Variants in ARIH1 observed in about 807,000 individuals in gnomAD.
ARIH1 encodes ariadne RBR E3 ubiquitin protein ligase 1, also known as E3 ubiquitin-protein ligase ARIH1.
In ARIH1, 8 loss-of-function variants were observed where a neutral mutation model predicts 85.0. The observed-to-expected ratio is 0.09, with a 90% CI of 0.06 to 0.17. The LOEUF (loss-of-function observed/expected upper bound fraction) is 0.17. Ranked by LOEUF, ARIH1 falls within the 10% of genes least tolerant of loss-of-function variation. ARIH1 has a pLI of 1.00. For synonymous variants in ARIH1, 238 were observed against 253.6 expected, an observed-to-expected ratio of 0.94 and a Z score of 0.59; for missense variants, 311 against 718.1, an observed-to-expected ratio of 0.43 and a Z score of 6.48.
At chr15:72,523,436 G>C (rs1234217828) in intron 2 of ARIH1, among the ~76,000 whole-genome samples, 2 of 152,140 alleles carry the variant, frequency 1.3e-5, no homozygotes, top group East Asian at 3.9e-4. Flanking sequence ...CTCTGGAAAA[G>C]GCAAAACTAT....
chr15:72,546,655 CTGTG>C (rs35847751), intron 3 of ARIH1, among the ~76,000 whole-genome samples: 8 of 149,532 alleles, frequency 5.4e-5, no homozygotes, highest in East Asian at 4.0e-4. Flanking sequence ...GCTGATTTTT[CTGTG>C]TGTGTGTGTG....
At chr15:72,576,971 T>C (rs1408085863) in intron 11 of ARIH1, among the ~76,000 whole-genome samples, 1 of 152,006 alleles carries the variant, frequency 6.6e-6, no homozygotes, top group African/African-American at 2.4e-5. Context: ...TGTTTTATTA[T>C]ACTGTGTGCT....
At chr15:72,489,587 T>C (rs1226075065) in intron 1 of ARIH1, among the ~76,000 whole-genome samples, 1 of 152,262 alleles carries the variant, frequency 6.6e-6, no homozygotes, top group African/African-American at 2.4e-5. Flanking sequence ...TCTTAATTGC[T>C]TGTGTGACAA....
rs1203573952 is a variant in ARIH1 at position 72,589,227 on chromosome 15, AC to A, written c.*5936del. 7.2e-5 allele frequency: 11 copies of A among 152,234 alleles called. No homozygotes were observed. Among genetic ancestry groups the A allele is most frequent in the Admixed American group, 7.2e-4 (11 of 15,274 alleles). 9.4% of individuals were successfully genotyped at this position (152,234 alleles called of 1,614,324 possible). A position where few individuals can be genotyped will look rare whatever the true frequency, so the allele number is the denominator to read the frequency against. On this transcript the variant is annotated 3_prime_UTR_variant, in exon 14 of 14. Transcript: ENST00000379887. ...TATACTACTAACTTACTCAAAAGTTACACATTGAGTGTATAACAGGGCCATG... is the reference window on the plus strand; with the variant it reads ...TATACTACTAACTTACTCAAAAGTTAACATTGAGTGTATAACAGGGCCATG...
At chr15:72,542,366 C>G (rs557511740) in intron 2 of ARIH1, among the ~76,000 whole-genome samples, 1 of 152,264 alleles carries the variant, frequency 6.6e-6, no homozygotes, top group South Asian at 2.1e-4. Flanking sequence ...AAGATTTACT[C>G]TTCCTCTTTG....
At chr15:72,494,007 T>C (rs1003528389) in intron 1 of ARIH1, among the ~76,000 whole-genome samples, 1 of 152,168 alleles carries the variant, frequency 6.6e-6, no homozygotes, top group African/African-American at 2.4e-5. Context: ...CACAGTATTA[T>C]TGATGTCTTA....
intron 1 of ARIH1, among the ~76,000 whole-genome samples, chr15:72,476,674 A>C (rs918713423): frequency 5.9e-5 from 9 of 152,186 alleles, no homozygotes; most frequent in Admixed American, 2.6e-4. Flanking sequence ...TAGAAGATGC[A>C]CATGTAAGAA....
chr15:72,474,872 G>A lies in ARIH1; in HGVS notation c.233G>A (p.Gly78Asp). The A allele has an allele frequency of 7.0e-7, 1 of 1,423,938 alleles. No homozygotes were observed. The highest frequency in any genetic ancestry group is 9.2e-7 in the Non-Finnish European group (1 of 1,082,678). The allele number at this position is 1,423,938 out of a possible 1,614,324, so 88.2% of individuals were successfully genotyped here. The change falls in exon 1 of 14, where the codon GGT becomes GAT. Residue 78 changes from glycine (G) to aspartate (D), a missense_variant. Coordinates refer to ENST00000379887, the MANE Select transcript of ARIH1 (RefSeq NM_005744.5). ...GGGGSALGPGGGGGGGGGGGG... is the reference protein window; with the variant it reads ...GGGGSALGPGDGGGGGGGGGG... ...GGCGGCAGCGCTCTGGGGCCCGGCG[G>A]TGGCGGCGGCGGCGGCGGCGGCGGT... is the stretch of plus-strand genomic sequence containing the variant.
chr15:72,587,517 G>C lies in ARIH1; in HGVS notation c.*4225G>C. The C allele has an allele frequency of 3.8e-6, 1 of 260,436 alleles. No homozygotes were observed. Among genetic ancestry groups the C allele is most frequent in the South Asian group, 3.9e-5 (1 of 25,638 alleles). 16.1% of individuals were successfully genotyped at this position (260,436 alleles called of 1,614,324 possible). A position where few individuals can be genotyped will look rare whatever the true frequency, so the allele number is the denominator to read the frequency against. On this transcript the variant is annotated 3_prime_UTR_variant, in exon 14 of 14. Coordinates refer to ENST00000379887, the MANE Select transcript of ARIH1 (RefSeq NM_005744.5). ...TATTCAAATGAATTTCCATTGTAAA[G>C]AATTTTGGATAGTCTGCAGGAAATT...
rs767341707 is a variant in ARIH1, at chr15:72,474,865, C to T, written c.226C>T (p.Pro76Ser). The T allele has an allele frequency of 1.4e-6, 2 of 1,420,274 alleles. No homozygotes were observed. Among genetic ancestry groups the T allele is most frequent in the East Asian group, 3.0e-5 (1 of 33,472 alleles). 88.0% of individuals were successfully genotyped at this position (1,420,274 alleles called of 1,614,324 possible). A position where few individuals can be genotyped will look rare whatever the true frequency, so the allele number is the denominator to read the frequency against. ...TGGGGGSALG[P>S]GGGGGGGGGG... ...CGGTGGCGGCGGCAGCGCTCTGGGG[C>T]CCGGCGGTGGCGGCGGCGGCGGCGG... is the stretch of plus-strand genomic sequence containing the variant. Residue 76 changes from proline to serine, a missense_variant, in exon 1 of 14, where the codon CCC (proline) becomes TCC (serine). Around this residue, in one of 3 missense-constraint regions of ARIH1, gnomAD observed 157 missense variants for 185.1 expected, o/e 0.85. Transcript: ENST00000379887.
chr15:72,495,562 T>C (rs1008742084), intron 1 of ARIH1, among the ~76,000 whole-genome samples: 1 of 152,196 alleles, frequency 6.6e-6, no homozygotes, highest in African/African-American at 2.4e-5. Context: ...CAAAAGAATA[T>C]ACAAATGGTT....
chr15:72,501,022 T>C (rs970208351), intron 1 of ARIH1, among the ~76,000 whole-genome samples: 3 of 152,216 alleles, frequency 2.0e-5, no homozygotes, highest in African/African-American at 7.2e-5. Context: ...ATATACACTA[T>C]CAGCCTTCAT....
chr15:72,496,000 TC>T (rs1401069527), intron 1 of ARIH1, among the ~76,000 whole-genome samples: 2 of 152,138 alleles, frequency 1.3e-5, no homozygotes, highest in Admixed American at 1.3e-4. Flanking sequence ...AGCCTTCAAC[TC>T]CTGGGCTCGA....
intron 3 of ARIH1, among the ~76,000 whole-genome samples, chr15:72,547,236 T>TGCTC (rs112090880): frequency 6.7e-6 from 1 of 149,782 alleles, no homozygotes; most frequent in Non-Finnish European, 1.5e-5. Flanking sequence ...CTCTTTCCTT[T>TGCTC]TCTCTTTTTT....
rs1482901757 is a variant in ARIH1 at position 72,602,044 on chromosome 15, T to C, written c.*18752T>C. 2.6e-5 allele frequency: 4 copies of C among 152,232 alleles called. No individual in the cohort carries two copies. The highest frequency in any genetic ancestry group is 9.6e-5 in the African/African-American group (4 of 41,454). The allele number at this position is 152,232 out of a possible 1,614,324, so 9.4% of individuals were successfully genotyped here. A position where few individuals can be genotyped will look rare whatever the true frequency, so the allele number is the denominator to read the frequency against. On this transcript the variant is annotated 3_prime_UTR_variant, in exon 14 of 14. Transcript: ENST00000379887. ...TATGTAAATAGTTGCCTCTTTCTTT[T>C]TCATGCGCCATATAATATGGACTTA...
intron 1 of ARIH1, among the ~76,000 whole-genome samples, chr15:72,477,292 G>A (rs2140388441): frequency 6.6e-6 from 1 of 152,166 alleles, no homozygotes; most frequent in East Asian, 1.9e-4. Flanking sequence ...TCTCTTACTG[G>A]TTTGTAAGAC....
rs1442888314 is a variant in ARIH1, at chr15:72,544,549, T to TAC, written c.444-269_444-268dup. On this transcript the variant is annotated intron_variant, in intron 2 of 13. Coordinates refer to ENST00000379887, the MANE Select transcript of ARIH1 (RefSeq NM_005744.5). ...GCAAAACTCAGTCTACTAGTTTACATACATACACACACACACACACACACT... is the reference window on the plus strand; with the variant it reads ...GCAAAACTCAGTCTACTAGTTTACATACACATACACACACACACACACACACT... Among the ~76,000 whole-genome samples the TAC allele has an allele frequency of 2.0e-5, 3 of 151,324 alleles. No individual in the cohort carries two copies. In the East Asian group the frequency reaches 6.3e-4, roughly 32 times the overall value.
chr15:72,480,687 C>T (rs1331617428), intron 1 of ARIH1, among the ~76,000 whole-genome samples: 1 of 152,092 alleles, frequency 6.6e-6, no homozygotes, highest in Non-Finnish European at 1.5e-5. Flanking sequence ...GCCTCAGCCT[C>T]CTGAGTAGCT....
chr15:72,530,548 C>T (rs149214617), intron 2 of ARIH1, among the ~76,000 whole-genome samples: 1 of 152,270 alleles, frequency 6.6e-6, no homozygotes, highest in East Asian at 1.9e-4. Flanking sequence ...CAGAAACAAA[C>T]GTAAATCTTC....
Sources: allele counts gnomAD v4.1 joint callset (sites outside exome capture counted in the v4.1 genomes callset), GRCh38; gene constraint gnomAD v4.1.1; regional missense constraint gnomAD v4.1.1; transcripts MANE v1.5; gene names NCBI Gene and HGNC (gene_info 2026-07-23, HGNC 2026-07-21).